Variants in HGSNAT observed in about 807,000 individuals in gnomAD.
HGSNAT encodes the protein transmembrane protein 76.
In HGSNAT, 59 loss-of-function variants were observed where a neutral mutation model predicts 85.2. The observed-to-expected ratio is 0.69, with a 90% CI of 0.56 to 0.86. The LOEUF (loss-of-function observed/expected upper bound fraction) is 0.86, where lower values mean the gene tolerates loss of function less well. HGSNAT is among the 40% of genes least tolerant of loss of function. The pLI is 0.00. For synonymous variants in HGSNAT, 321 were observed against 304.5 expected (o/e 1.05, Z -0.56); for missense variants, 756 against 777.1 (o/e 0.97, Z 0.32).
chr8:43,169,019 G>A (rs1224353488), intron 5 of HGSNAT, among the ~76,000 whole-genome samples, 154 bp from the exon 6 acceptor site: 1 of 152,022 alleles, frequency 6.6e-6, no homozygotes, highest in Non-Finnish European at 1.5e-5. Flanking sequence ...TGAAAATTGT[G>A]ATTTCTATTT....
At chr8:43,162,331 A>G (rs1464926608) in intron 5 of HGSNAT, among the ~76,000 whole-genome samples, 1 of 152,156 alleles carries the variant, frequency 6.6e-6, no homozygotes, top group Non-Finnish European at 1.5e-5. Flanking sequence ...ACATCTTAGA[A>G]ATAGTATAAT....
intron 4 of HGSNAT, 22 bp downstream of exon 4, chr8:43,159,066 A>G (rs769923509): frequency 4.4e-6 from 7 of 1,596,788 alleles, no homozygotes; most frequent in Admixed American, 1.7e-5. Context: ...TTCTCTGCTG[A>G]TTTTCACATT....
In HGSNAT at chr8:43,159,074, A is replaced by AT. The variant is rs1034995867; in HGVS notation, c.493+33dup. ...GTATATGTTCTCTGCTGATTTTCAC[A>AT]TTTGCATTTTCAGAGGTTTCAGTTT... On this transcript the variant is annotated intron_variant, in intron 4 of 17. Coordinates refer to ENST00000379644, the MANE Select transcript of HGSNAT (RefSeq NM_152419.3). 4.4e-6 allele frequency: 7 copies of AT among 1,594,266 alleles called. No homozygotes were observed. The African/African-American group carries it at 9.4e-5, about 21-fold the overall frequency.
At chr8:43,174,940 C>T (rs1803756642) in intron 9 of HGSNAT, among the ~76,000 whole-genome samples, 1 of 152,048 alleles carries the variant, frequency 6.6e-6, no homozygotes, top group South Asian at 2.1e-4. Flanking sequence ...TTCTGGTATC[C>T]ATCCTTCTAT....
At chr8:43,166,466 T>A (rs1441400538) in intron 5 of HGSNAT, among the ~76,000 whole-genome samples, 1 of 152,188 alleles carries the variant, frequency 6.6e-6, no homozygotes, top group East Asian at 1.9e-4. Flanking sequence ...TCCTTAAGAA[T>A]TATGCTAAAT....
rs531967582 is a variant in HGSNAT at position 43,202,655 on chromosome 8, C to T, written c.*3086C>T. 47 of 152,078 alleles carry T rather than the reference C, an allele frequency of 3.1e-4. No homozygotes were observed. The highest frequency in any genetic ancestry group is 8.2e-4 in the African/African-American group (34 of 41,490). The allele number at this position is 152,078 out of a possible 1,614,324, so 9.4% of individuals were successfully genotyped here. On this transcript the variant is annotated 3_prime_UTR_variant, in exon 18 of 18. Transcript: ENST00000379644. ...TTCCTACTTAAAGTGAATATACTGC[C>T]GCTGTAGATCATAAAATGTATCTTT...
At chr8:43,154,855 T>C (rs1461797722) in intron 2 of HGSNAT, among the ~76,000 whole-genome samples, 3 of 152,194 alleles carry the variant, frequency 2.0e-5, no homozygotes, top group African/African-American at 7.2e-5. Flanking sequence ...CAGCACCTGT[T>C]GTTTCCTGAC....
chr8:43,192,154 C>G, intron 12 of HGSNAT, 150 bp from the exon 13 acceptor site: 1 of 768,468 alleles, frequency 1.3e-6, no homozygotes, highest in Non-Finnish European at 2.0e-6. Context: ...TCTCAAATTC[C>G]TGACCTCAGG....
intron 2 of HGSNAT, among the ~76,000 whole-genome samples, chr8:43,151,508 G>A (rs1263498555): frequency 6.6e-6 from 1 of 152,054 alleles, no homozygotes; most frequent in Admixed American, 6.6e-5. Context: ...AATGAAAAAA[G>A]TAGATAATTA....
intron 15 of HGSNAT, 86 bp downstream of exon 15, chr8:43,197,111 C>T (rs952094448): frequency 2.4e-4 from 211 of 892,786 alleles, no homozygotes; most frequent in Non-Finnish European, 4.4e-5. Context: ...CAACACTGAG[C>T]TAGCCATTGT....
At chr8:43,168,384 CTTTTTTTTTTT>C (rs34270087) in intron 5 of HGSNAT, among the ~76,000 whole-genome samples, 4 of 70,250 alleles carry the variant, frequency 5.7e-5, no homozygotes, top group African/African-American at 2.0e-4. Context: ...AATAGTTGAT[CTTTTTTTTTTT>C]TTTTTTTTTT....
rs200678234 is a variant in HGSNAT at position 43,199,413 on chromosome 8, C to T, written c.1752C>T (p.Val584=). 302 of 1,604,478 alleles carry T rather than the reference C, an allele frequency of 1.9e-4. 2 individuals are homozygous for T. The African/African-American group carries it at 2.6e-3, about 14-fold the overall frequency. Residue 584 remains valine (V), a synonymous_variant, in exon 18 of 18, where the codon GTC becomes GTT. Coordinates refer to ENST00000379644, the MANE Select transcript of HGSNAT (RefSeq NM_152419.3). ...YPGMNSILVY[V]GHEVFENYFP... ...GAATGAATTCCATTCTGGTATATGT[C>T]GGCCACGAGGTGTTTGAGAACTACT...
At chr8:43,182,324 G>A in intron 11 of HGSNAT, 64 bp downstream of exon 11, 1 of 1,260,100 alleles carries the variant, frequency 7.9e-7, no homozygotes, top group Non-Finnish European at 1.2e-6. Context: ...ATTGTGTGGT[G>A]ATACGGTCTC....
Position 43,192,381 on chromosome 8 carries a change from A to C in HGSNAT, c.1328A>C (p.Asp443Ala). ...ACTGGAGGAGCTGCAGGCTACATCG[A>C]CCGCCTGCTGCTGGGAGACGATCAC... Reference protein sequence around the residue: ...NCTGGAAGYIDRLLLGDDHLY... With the variant: ...NCTGGAAGYIARLLLGDDHLY... Residue 443 changes from aspartate (D) to alanine (A), a missense_variant, in exon 13 of 18, where the codon GAC (aspartate) becomes GCC (alanine). By Grantham distance (126) the Asp-to-Ala change is moderately radical (BLOSUM62 -2). Coordinates refer to ENST00000379644, the MANE Select transcript of HGSNAT (RefSeq NM_152419.3). 1 of 1,613,116 alleles carries C rather than the reference A, an allele frequency of 6.2e-7. No individual in the cohort carries two copies. Among genetic ancestry groups the C allele is most frequent in the Non-Finnish European group, 8.5e-7 (1 of 1,179,644 alleles).
chr8:43,177,576 AAAG>A (rs1157714366), intron 9 of HGSNAT, among the ~76,000 whole-genome samples: 1 of 151,770 alleles, frequency 6.6e-6, no homozygotes, highest in Admixed American at 6.6e-5. Flanking sequence ...AAAAAAAAAA[AAAG>A]AGTAATTTAG....
At chr8:43,192,239 T>C (rs564212557) in intron 12 of HGSNAT, 65 bp from the exon 13 acceptor site, 3 of 1,537,166 alleles carry the variant, frequency 2.0e-6, no homozygotes, top group East Asian at 4.8e-5. Flanking sequence ...GAGGTTTTTT[T>C]ATTCTTGTCC....
rs1465516581 is a variant in HGSNAT, at chr8:43,201,041, T to A, written c.*1472T>A. ...GTCTCTAGGTATAAACCTGACATCA[T>A]CTTTCCACCCGGCTTACCTCCACCA... On this transcript the variant is annotated 3_prime_UTR_variant, in exon 18 of 18. Coordinates refer to ENST00000379644, the MANE Select transcript of HGSNAT (RefSeq NM_152419.3). This position sits in a 1 kb window ranked among gnomAD's most constrained non-coding sequence, Gnocchi z 4.4. The A allele has an allele frequency of 6.6e-6, 1 of 152,420 alleles. No individual in the cohort carries two copies. The highest frequency in any genetic ancestry group is 1.5e-5 in the Non-Finnish European group (1 of 68,184). The allele number at this position is 152,420 out of a possible 1,614,324, so 9.4% of individuals were successfully genotyped here.
chr8:43,153,180 G>A (rs1253599244), intron 2 of HGSNAT, among the ~76,000 whole-genome samples: 3 of 152,100 alleles, frequency 2.0e-5, no homozygotes, highest in Admixed American at 6.5e-5. Flanking sequence ...ACAGACCAAT[G>A]TAAGTGTGAG....
intron 7 of HGSNAT, among the ~76,000 whole-genome samples, chr8:43,170,937 G>A (rs1232546752): frequency 6.6e-6 from 1 of 152,224 alleles, no homozygotes; most frequent in South Asian, 2.1e-4. Flanking sequence ...ACTTGGATAC[G>A]TGGTCTGCTG....
Sources: allele counts gnomAD v4.1 joint callset (sites outside exome capture counted in the v4.1 genomes callset), GRCh38; gene constraint gnomAD v4.1.1; non-coding constraint Gnocchi (gnomAD v3.1); transcripts MANE v1.5; gene names NCBI Gene and HGNC (gene_info 2026-07-23, HGNC 2026-07-21).